Variants in XPO1 observed in about 807,000 individuals in gnomAD.
The protein encoded by XPO1 is exportin-1.
A neutral mutation model predicts 133.3 loss-of-function variants in XPO1; 5 were observed. The observed-to-expected ratio is 0.04, with a 90% confidence interval of 0.02 to 0.08. The LOEUF is 0.08. Ranked by LOEUF, XPO1 falls within the 10% of genes least tolerant of loss-of-function variation. The pLI is 1.00. For synonymous variants in XPO1, 419 were observed against 408.2 expected (o/e 1.03, Z -0.32); for missense variants, 506 against 1,267.5 (o/e 0.40, Z 9.12).
chr2:61,502,965 C>CTTTTTTTTTTTTT (rs201077547), intron 4 of XPO1, among the ~76,000 whole-genome samples: 2 of 138,306 alleles, frequency 1.4e-5, no homozygotes, highest in African/African-American at 5.4e-5. Flanking sequence ...TGTTTCTTTT[C>CTTTTTTTTTTTTT]TTTTTTTTTT....
chr2:61,510,907 C>T (rs923240114), intron 4 of XPO1, among the ~76,000 whole-genome samples: 1 of 148,096 alleles, frequency 6.8e-6, no homozygotes, highest in African/African-American at 2.5e-5. Flanking sequence ...CACTGCACTC[C>T]AGCTTGGGCG....
chr2:61,482,059 C>CTTTTTTTTTTTTTTTTTTTTTTTTT (rs1273871116), intron 23 of XPO1, among the ~76,000 whole-genome samples: 74 of 41,084 alleles, frequency 1.8e-3, no homozygotes, highest in Non-Finnish European at 2.2e-3. Flanking sequence ...TTTTTTTTTG[C>CTTTTTTTTTTTTTTTTTTTTTTTTT]TTTTTTAAAG....
chr2:61,536,431 C>T (rs752122200), intron 1 of XPO1: 2 of 152,244 alleles, frequency 1.3e-5, no homozygotes, highest in Admixed American at 6.5e-5. Context: ...GGATAACATA[C>T]ACTAGGGATT....
At chr2:61,507,339 T>C (rs970695525) in intron 4 of XPO1, among the ~76,000 whole-genome samples, 4 of 151,190 alleles carry the variant, frequency 2.6e-5, no homozygotes, top group Non-Finnish European at 5.9e-5. Context: ...TTTGGAAGGC[T>C]GACATGGGAG....
intron 4 of XPO1, among the ~76,000 whole-genome samples, chr2:61,507,628 A>G (rs949132075): frequency 2.0e-5 from 3 of 151,948 alleles, no homozygotes; most frequent in Admixed American, 6.6e-5. Flanking sequence ...CTGTAATCCC[A>G]GTACTTTGGG....
chr2:61,537,341 G>T (rs1385264662), intron 1 of XPO1, among the ~76,000 whole-genome samples: 2 of 151,342 alleles, frequency 1.3e-5, no homozygotes, highest in African/African-American at 4.8e-5. Flanking sequence ...CCCAGCAAGC[G>T]CTCCCCTCCC....
chr2:61,494,772 G>GTATATATA (rs70963439), intron 11 of XPO1: 4 of 147,512 alleles, frequency 2.7e-5, no homozygotes, highest in Non-Finnish European at 6.0e-5. Context: ...GTGTGTGTGT[G>GTATATATA]TATATATATA....
Position 61,485,990 on chromosome 2 carries a change from T to C in XPO1, c.2314-28A>G, listed in dbSNP as rs1696672021. ...GTTGGGGAGGGAAAAAAAAGTTATG[T>C]TTTAATTTAGGTACATGGTGACTAT... On this transcript the variant is annotated intron_variant, in intron 19 of 24. Coordinates refer to ENST00000401558, the MANE Select transcript of XPO1 (RefSeq NM_003400.4). 3 of 1,577,804 alleles carry C rather than the reference T, an allele frequency of 1.9e-6. No homozygotes were observed. The South Asian group carries it at 3.4e-5, about 18-fold the overall frequency.
intron 19 of XPO1, 51 bp from the exon 20 acceptor site, chr2:61,486,013 T>C: frequency 3.4e-6 from 5 of 1,476,546 alleles, no homozygotes; most frequent in Non-Finnish European, 4.6e-6. Context: ...ACATGGTGAC[T>C]ATTTTAAACA....
chr2:61,535,897 C>G lies in XPO1; in HGVS notation c.-7+1665G>C, dbSNP rs181905822. On this transcript the variant is annotated intron_variant, in intron 1 of 24. Coordinates refer to ENST00000401558, the MANE Select transcript of XPO1 (RefSeq NM_003400.4). ...TCAAGTACCATAAAATTTAAAAGAT[C>G]AGAACAATCTTAATTATTTGAGGCT... 2.6e-5 allele frequency among the ~76,000 whole-genome samples: 4 copies of G among 152,090 alleles called. No individual in the cohort carries two copies. The South Asian group carries it at 8.3e-4, about 32-fold the overall frequency.
At chr2:61,508,283 T>TA (rs1299003160) in intron 4 of XPO1, among the ~76,000 whole-genome samples, 1 of 152,170 alleles carries the variant, frequency 6.6e-6, no homozygotes, top group Non-Finnish European at 1.5e-5. Flanking sequence ...GAAAGCCATA[T>TA]AAAATTTATT....
chr2:61,485,731 C>A lies in XPO1; in HGVS notation c.2508+37G>T, dbSNP rs1696661067. ...GCTTTCAAGAATTAAGGCTATCCTGCAGAATTTCCCCCTTACATAACTGAA... is the reference window on the plus strand; with the variant it reads ...GCTTTCAAGAATTAAGGCTATCCTGAAGAATTTCCCCCTTACATAACTGAA... On this transcript the variant is annotated intron_variant, in intron 20 of 24. Transcript: ENST00000401558. 4 of 1,534,982 alleles carry A rather than the reference C, an allele frequency of 2.6e-6. No individual in the cohort carries two copies. The East Asian group carries it at 9.1e-5, about 35-fold the overall frequency.
In XPO1 at chr2:61,499,954, T is replaced by C. The variant is rs1697421100; in HGVS notation, c.409-60A>G. 2.0e-6 allele frequency: 3 copies of C among 1,498,090 alleles called. No homozygotes were observed. The African/African-American group carries it at 4.2e-5, about 21-fold the overall frequency. The allele number at this position is 1,498,090 out of a possible 1,614,324, so 92.8% of individuals were successfully genotyped here. On this transcript the variant is annotated intron_variant, in intron 6 of 24. Coordinates refer to ENST00000401558, the MANE Select transcript of XPO1 (RefSeq NM_003400.4). ...TTTCTCAAAGGCAAATAAAACAAACTTCAAAGAAATTATGTAATGGATAAA... is the reference window on the plus strand; with the variant it reads ...TTTCTCAAAGGCAAATAAAACAAACCTCAAAGAAATTATGTAATGGATAAA...
chr2:61,534,078 T>C, intron 1 of XPO1, 175 bp from the exon 2 acceptor site: 1 of 569,592 alleles, frequency 1.8e-6, no homozygotes, highest in East Asian at 3.5e-5. Flanking sequence ...TGAAATTACT[T>C]AGCTATTTGA....
intron 4 of XPO1, among the ~76,000 whole-genome samples, chr2:61,508,255 T>C (rs1357496152): frequency 1.3e-5 from 2 of 152,152 alleles, no homozygotes; most frequent in African/African-American, 4.8e-5. Flanking sequence ...GTGGGTCAAA[T>C]GCTCTAATTG....
At chr2:61,499,556 C>T (rs1457238194) in intron 7 of XPO1, among the ~76,000 whole-genome samples, 157 bp downstream of exon 7, 3 of 152,184 alleles carry the variant, frequency 2.0e-5, no homozygotes, top group African/African-American at 4.8e-5. Flanking sequence ...TATTAGGCCC[C>T]GTCTAGGACT....
At chr2:61,533,524 C>CA (rs1470468916) in intron 2 of XPO1, among the ~76,000 whole-genome samples, 1 of 152,116 alleles carries the variant, frequency 6.6e-6, no homozygotes, top group Admixed American at 6.5e-5. Flanking sequence ...TTAATACCTA[C>CA]AAAGTATTTA....
At chr2:61,522,760 A>C (rs1473007973) in intron 3 of XPO1, 77 bp from the exon 4 acceptor site, 1 of 998,062 alleles carries the variant, frequency 1.0e-6, no homozygotes, top group Non-Finnish European at 1.6e-6. Flanking sequence ...AAATGGACAG[A>C]CATTCACACA....
intron 2 of XPO1, among the ~76,000 whole-genome samples, chr2:61,532,159 A>T (rs1329940679): frequency 6.6e-6 from 1 of 152,030 alleles, no homozygotes; most frequent in East Asian, 1.9e-4. Context: ...ACGAAGTCTC[A>T]TGCCGTTGCC....
Sources: gnomAD v4.1 joint callset for allele counts (sites outside exome capture counted in the v4.1 genomes callset) on GRCh38, gnomAD v4.1.1 for gene constraint, MANE v1.5 for transcripts, NCBI Gene and HGNC (gene_info 2026-07-23, HGNC 2026-07-21) for gene names.